Variants in CTNNA3 observed in about 807,000 individuals in gnomAD.
CTNNA3 encodes catenin alpha 3.
CTNNA3 carries 76 observed loss-of-function variants against 95.7 expected under a neutral mutation model. The ratio of observed to expected loss-of-function variants is 0.79; its 90% CI spans 0.66 to 0.96. The LOEUF (loss-of-function observed/expected upper bound fraction) is 0.96, where lower values mean the gene tolerates loss of function less well. Among genes scored for constraint, CTNNA3 ranks in the 40% least tolerant of loss-of-function variants. The pLI is 0.00. For missense variants in CTNNA3, 1,191 were observed against 1,089.8 expected (o/e 1.09, Z -1.31); for synonymous variants, 431 against 374.4 (o/e 1.15, Z -1.74).
intron 7 of CTNNA3, among the ~76,000 whole-genome samples, chr10:67,082,863 A>T (rs2131884677): frequency 6.6e-6 from 1 of 152,306 alleles, no homozygotes; most frequent in East Asian, 1.9e-4. Flanking sequence ...CCACAATATT[A>T]TGAGTCAAGC....
chr10:66,980,586 G>A (rs1294230493), intron 7 of CTNNA3, among the ~76,000 whole-genome samples: 1 of 145,578 alleles, frequency 6.9e-6, no homozygotes, highest in Admixed American at 6.8e-5. Context: ...GATTAAATGA[G>A]CCAAATGAGT....
intron 11 of CTNNA3, among the ~76,000 whole-genome samples, chr10:66,391,507 C>T (rs1283994828): frequency 6.6e-6 from 1 of 152,046 alleles, no homozygotes; most frequent in Non-Finnish European, 1.5e-5. Context: ...ATCTAATTCT[C>T]AAGGAGTGTG....
intron 5 of CTNNA3, among the ~76,000 whole-genome samples, chr10:67,436,766 C>T (rs1334992119): frequency 1.3e-5 from 2 of 152,142 alleles, no homozygotes; most frequent in Non-Finnish European, 2.9e-5. Context: ...ATCAAAACCA[C>T]AAGGCAATAC....
intron 13 of CTNNA3, among the ~76,000 whole-genome samples, chr10:66,271,272 C>G (rs1296222230): frequency 6.6e-6 from 1 of 152,122 alleles, no homozygotes; most frequent in Non-Finnish European, 1.5e-5. Context: ...AGTCTGTTTT[C>G]TAAAATTCAT....
At chr10:66,283,834 A>T (rs1411003704) in intron 12 of CTNNA3, among the ~76,000 whole-genome samples, 2 of 151,882 alleles carry the variant, frequency 1.3e-5, no homozygotes, top group Non-Finnish European at 2.9e-5. Context: ...AATTTTTTTA[A>T]TGCTTTCAAG....
At chr10:67,067,348 A>G (rs993869436) in intron 7 of CTNNA3, among the ~76,000 whole-genome samples, 2 of 152,192 alleles carry the variant, frequency 1.3e-5, no homozygotes, top group African/African-American at 2.4e-5. Flanking sequence ...CCATATACTA[A>G]GCAAAAAGTT....
At chr10:67,565,858 C>G (rs2133273976) in intron 3 of CTNNA3, among the ~76,000 whole-genome samples, 1 of 135,864 alleles carries the variant, frequency 7.4e-6, no homozygotes, top group East Asian at 2.1e-4. Context: ...GAATATCTAC[C>G]CAAATGAAGC....
intron 7 of CTNNA3, among the ~76,000 whole-genome samples, chr10:67,088,340 T>C (rs754729543): frequency 1.7e-4 from 26 of 151,906 alleles, no homozygotes; most frequent in Non-Finnish European, 3.4e-4. Flanking sequence ...TTTGTAGACA[T>C]TAGCATGTGA....
At position 65,967,550 on chromosome 10, in the gene CTNNA3, G is replaced by A. The variant is rs528154628; in HGVS notation, c.2266-804C>T. On this transcript the variant is annotated intron_variant, in intron 16 of 17. Coordinates refer to ENST00000433211, the MANE Select transcript of CTNNA3 (RefSeq NM_013266.4). Reference sequence around the variant, plus strand: ...CTTTCAGCATTCAATGTACTTAGCTGTTACAGACAAAGGAAATTATTTCTA... The same window carrying A: ...CTTTCAGCATTCAATGTACTTAGCTATTACAGACAAAGGAAATTATTTCTA... 8.5e-5 allele frequency among the ~76,000 whole-genome samples: 13 copies of A among 152,230 alleles called. No individual in the cohort carries two copies. The South Asian group carries it at 2.5e-3, about 29-fold the overall frequency.
chr10:66,260,342 G>C (rs2090952835), intron 13 of CTNNA3, among the ~76,000 whole-genome samples: 1 of 152,062 alleles, frequency 6.6e-6, no homozygotes, highest in Non-Finnish European at 1.5e-5. Context: ...TTTATTGCCT[G>C]TCAACAGAAT....
intron 7 of CTNNA3, among the ~76,000 whole-genome samples, chr10:66,996,516 C>T (rs1664146352): frequency 6.6e-6 from 1 of 151,708 alleles, no homozygotes; most frequent in Non-Finnish European, 1.5e-5. Context: ...GGCGTGGTGG[C>T]GCGTGCCTGT....
At chr10:67,037,374 A>G (rs1044331083) in intron 7 of CTNNA3, among the ~76,000 whole-genome samples, 3 of 132,576 alleles carry the variant, frequency 2.3e-5, no homozygotes, top group East Asian at 2.0e-4. Context: ...AATCTAAAAA[A>G]AAAAAAGAAA....
At chr10:67,533,168 A>G (rs183319953) in intron 4 of CTNNA3, among the ~76,000 whole-genome samples, 1 of 152,246 alleles carries the variant, frequency 6.6e-6, no homozygotes, top group East Asian at 1.9e-4. Context: ...TACTAAAAAT[A>G]CAAAAATTAG....
upstream of CTNNA3, among the ~76,000 whole-genome samples, chr10:67,700,713 G>C (rs533513080): frequency 2.0e-5 from 3 of 152,292 alleles, no homozygotes; most frequent in East Asian, 1.9e-4. Flanking sequence ...CTAAAAAGCA[G>C]AGCGCCTCTC....
chr10:67,629,955 T>C (rs992249456), intron 2 of CTNNA3, among the ~76,000 whole-genome samples: 2 of 152,136 alleles, frequency 1.3e-5, no homozygotes, highest in Non-Finnish European at 2.9e-5. Context: ...ACTGCTTAAA[T>C]CTCAGAATAT....
chr10:66,382,211 AG>A (rs1230511839), intron 11 of CTNNA3, among the ~76,000 whole-genome samples: 18 of 152,278 alleles, frequency 1.2e-4, no homozygotes, highest in African/African-American at 4.1e-4. Context: ...CTGGAAAAAC[AG>A]GGCACTCCCT....
chr10:66,636,988 G>A (rs1489401720), intron 9 of CTNNA3, among the ~76,000 whole-genome samples: 2 of 151,908 alleles, frequency 1.3e-5, no homozygotes, highest in Admixed American at 1.3e-4. Context: ...AATGTTAGCT[G>A]GATAGTTTTA....
At chr10:67,294,845 A>G (rs1004417336) in intron 5 of CTNNA3, among the ~76,000 whole-genome samples, 56 of 152,174 alleles carry the variant, frequency 3.7e-4, no homozygotes, top group African/African-American at 1.3e-3. Flanking sequence ...AGGTGTTGTG[A>G]TTATTTACAG....
At chr10:67,686,490 T>C (rs796141174) in intron 1 of CTNNA3, among the ~76,000 whole-genome samples, 7 of 152,230 alleles carry the variant, frequency 4.6e-5, no homozygotes, top group African/African-American at 1.7e-4. Flanking sequence ...GGGCCACACA[T>C]GTATGCACTT....
Sources: allele counts gnomAD v4.1 joint callset (sites outside exome capture counted in the v4.1 genomes callset), GRCh38; gene constraint gnomAD v4.1.1; transcripts MANE v1.5; gene names NCBI Gene and HGNC (gene_info 2026-07-23, HGNC 2026-07-21).